AGBL1: variants seen among roughly 807,000 people sequenced by gnomAD.
AGBL1 encodes the protein cytosolic carboxypeptidase 4.
AGBL1 carries 130 observed loss-of-function variants against 118.9 expected under a neutral mutation model. That is an observed-to-expected ratio of 1.09 (90% CI 0.95 to 1.26). The LOEUF (loss-of-function observed/expected upper bound fraction) is 1.26, where lower values mean the gene tolerates loss of function less well. AGBL1 is among the 50% of genes most tolerant of loss of function. The pLI, the probability that AGBL1 is intolerant of heterozygous loss-of-function variation, is 0.00. For missense variants in AGBL1, 1,584 were observed against 1,298.1 expected (o/e 1.22, Z -3.38); for synonymous variants, 555 against 478.9 (o/e 1.16, Z -2.08).
intron 22 of AGBL1, among the ~76,000 whole-genome samples, chr15:86,693,321 G>A (rs1007774635): frequency 2.0e-5 from 3 of 151,892 alleles, no homozygotes; most frequent in Admixed American, 6.6e-5. Context: ...GTATCACATG[G>A]CAGTTTTTAT....
intron 15 of AGBL1, among the ~76,000 whole-genome samples, chr15:86,279,404 A>G (rs1267078556): frequency 6.6e-6 from 1 of 152,214 alleles, no homozygotes; most frequent in Non-Finnish European, 1.5e-5. Context: ...ATACGGCACA[A>G]TTGGGAGGCA....
intron 21 of AGBL1, among the ~76,000 whole-genome samples, chr15:86,589,384 T>C (rs1596294325): frequency 6.6e-6 from 1 of 152,160 alleles, no homozygotes; most frequent in Non-Finnish European, 1.5e-5. Flanking sequence ...ACCTTAAGGG[T>C]AATTTGGATC....
chr15:86,886,548 AG>A (rs1252285850), intron 22 of AGBL1, among the ~76,000 whole-genome samples: 1 of 152,196 alleles, frequency 6.6e-6, no homozygotes, highest in Non-Finnish European at 1.5e-5. Context: ...TATAAGACAA[AG>A]GATAAGAACC....
chr15:86,388,836 A>T (rs907594402), intron 17 of AGBL1, among the ~76,000 whole-genome samples: 2 of 152,170 alleles, frequency 1.3e-5, no homozygotes, highest in Non-Finnish European at 2.9e-5. Context: ...TACTCTCAAT[A>T]CCAAAGGAAT....
intron 1 of AGBL1, among the ~76,000 whole-genome samples, chr15:86,140,986 T>G (rs1230584412): frequency 3.9e-5 from 6 of 152,210 alleles, no homozygotes; most frequent in Non-Finnish European, 7.3e-5. Flanking sequence ...GCCTTTGAAG[T>G]GGATGAGGAG....
intron 17 of AGBL1, among the ~76,000 whole-genome samples, chr15:86,373,265 C>T (rs2080994374): frequency 6.6e-6 from 1 of 152,068 alleles, no homozygotes; most frequent in South Asian, 2.1e-4. Context: ...GAGTGTGTGC[C>T]TCTTATAATG....
At chr15:86,187,161 C>G (rs2077645527) in intron 5 of AGBL1, among the ~76,000 whole-genome samples, 1 of 152,166 alleles carries the variant, frequency 6.6e-6, no homozygotes, top group South Asian at 2.1e-4. Context: ...AATCAGTTAA[C>G]AAGATTGTAC....
intron 18 of AGBL1, among the ~76,000 whole-genome samples, chr15:86,493,986 C>A (rs1032763364): frequency 7.9e-5 from 12 of 151,978 alleles, no homozygotes; most frequent in African/African-American, 2.9e-4. Flanking sequence ...TCTGGAGCCA[C>A]AAATCTCTTT....
chr15:87,010,632 C>T (rs2081549655), intron 24 of AGBL1, among the ~76,000 whole-genome samples: 1 of 152,196 alleles, frequency 6.6e-6, no homozygotes, highest in Non-Finnish European at 1.5e-5. Flanking sequence ...GCTCCCCATC[C>T]TGGATTCTCA....
At position 86,915,292 on chromosome 15, in the gene AGBL1, T is replaced by G. The variant is rs1473112226; in HGVS notation, c.*7998T>G. 6.6e-6 allele frequency: 1 copy of G among 152,252 alleles called. No individual in the cohort carries two copies. The highest frequency in any genetic ancestry group is 2.4e-5 in the African/African-American group (1 of 41,458). The allele number at this position is 152,252 out of a possible 1,614,324, so 9.4% of individuals were successfully genotyped here. Reference sequence around the variant, plus strand: ...AAAACCGGCTTCTACTTTCGCAGTTTATAATTTGTCAGTGACCTCCCATGG... The same window carrying G: ...AAAACCGGCTTCTACTTTCGCAGTTGATAATTTGTCAGTGACCTCCCATGG... On this transcript the variant is annotated 3_prime_UTR_variant, in exon 23 of 23. Coordinates refer to ENST00000614907, the MANE Select transcript of AGBL1 (RefSeq NM_001386094.1).
chr15:86,547,284 C>G (rs1193409823), intron 20 of AGBL1, among the ~76,000 whole-genome samples: 1 of 152,084 alleles, frequency 6.6e-6, no homozygotes, highest in African/African-American at 2.4e-5. Flanking sequence ...AAAATGATCT[C>G]TTATATGTGA....
intron 22 of AGBL1, among the ~76,000 whole-genome samples, chr15:86,767,442 T>G (rs990118075): frequency 6.6e-6 from 1 of 152,016 alleles, no homozygotes; most frequent in African/African-American, 2.4e-5. Flanking sequence ...AGAAGAACTT[T>G]ATTATTAAAT....
At chr15:86,730,082 C>G (rs2077507697) in intron 22 of AGBL1, among the ~76,000 whole-genome samples, 1 of 151,884 alleles carries the variant, frequency 6.6e-6, no homozygotes, top group African/African-American at 2.4e-5. Context: ...TTGAGAAGTG[C>G]CTAAGATTGA....
chr15:86,455,086 C>G (rs1223726680), intron 18 of AGBL1, among the ~76,000 whole-genome samples: 1 of 152,082 alleles, frequency 6.6e-6, no homozygotes, highest in African/African-American at 2.4e-5. Context: ...AGCTCTGATT[C>G]AAGACCTGAT....
At chr15:86,663,765 A>C (rs79842040) in intron 21 of AGBL1, among the ~76,000 whole-genome samples, 6,081 of 152,274 alleles carry the variant, frequency 0.04, 183 homozygotes, top group Middle Eastern at 0.11. Flanking sequence ...GTTGAAATGG[A>C]CAATTTAATA....
In AGBL1 at chr15:86,419,615, C is replaced by A. The variant is rs192727942; in HGVS notation, c.2555+22069C>A. 3.1e-3 allele frequency among the ~76,000 whole-genome samples: 474 copies of A among 151,662 alleles called. 1 individual carries two copies. The highest frequency in any genetic ancestry group is 0.011 in the African/African-American group (447 of 41,346). On this transcript the variant is annotated intron_variant, in intron 18 of 22. Transcript: ENST00000614907. ...GTGCAGGAATGCCAGCAAGACAGAA[C>A]CATTCACTCCCCTGGAAAAGAGGCT...
Position 86,380,935 on chromosome 15 carries a change from AGTGT to A in AGBL1, c.2375-16410_2375-16407del, listed in dbSNP as rs139872296. ...TTGTTCTAATCCACATTACTTATAA[AGTGT>A]GTGTGTGTGTGTGTGTGTGTACCAG... is the stretch of plus-strand genomic sequence containing the variant. On this transcript the variant is annotated intron_variant, in intron 17 of 22. Transcript: ENST00000614907. Among the ~76,000 whole-genome samples, 1,334 of 149,606 alleles carry A rather than the reference AGTGT, an allele frequency of 8.9e-3. 22 individuals are homozygous for A. The highest frequency in any genetic ancestry group is 0.03 in the African/African-American group (1,231 of 40,900).
intron 18 of AGBL1, among the ~76,000 whole-genome samples, chr15:86,449,295 A>T (rs1327864375): frequency 6.6e-6 from 1 of 152,186 alleles, no homozygotes; most frequent in East Asian, 1.9e-4. Flanking sequence ...GATCAAAGGC[A>T]TTTTTTCTCT....
chr15:86,225,779 TG>T (rs1213358610), intron 6 of AGBL1, among the ~76,000 whole-genome samples: 1 of 152,098 alleles, frequency 6.6e-6, no homozygotes, highest in Non-Finnish European at 1.5e-5. Context: ...CTGAGGCCTG[TG>T]GGTAATAGGT....
Sources: gnomAD v4.1 joint callset for allele counts (sites outside exome capture counted in the v4.1 genomes callset) on GRCh38, gnomAD v4.1.1 for gene constraint, MANE v1.5 for transcripts, NCBI Gene and HGNC (gene_info 2026-07-23, HGNC 2026-07-21) for gene names.